RUFY1: variants seen among roughly 807,000 people sequenced by gnomAD.
RUFY1 encodes the protein RUN and FYVE domain-containing protein 1.
A neutral mutation model predicts 94.6 loss-of-function variants in RUFY1; 54 were observed. That is an observed-to-expected ratio of 0.57 (90% CI 0.46 to 0.72). RUFY1 has a LOEUF of 0.72. Among genes scored for constraint, RUFY1 ranks in the 30% least tolerant of loss-of-function variants. The probability of loss-of-function intolerance (pLI) is 0.00; values close to 1 mark genes in which losing one functional copy is unlikely to be tolerated. For synonymous variants in RUFY1, 396 were observed against 347.3 expected (o/e 1.14, Z -1.56); for missense variants, 883 against 883.9 (o/e 1.00, Z 0.01).
intron 8 of RUFY1, chr5:179,586,305 G>A: frequency 2.2e-6 from 1 of 459,008 alleles, no homozygotes; most frequent in Non-Finnish European, 4.4e-6. Context: ...TCCCCACAGT[G>A]CGGTCTTTCT....
In RUFY1 at chr5:179,559,823, C is replaced by T. The variant is rs765804440; in HGVS notation, c.311-202C>T. The T allele has an allele frequency of 3.0e-6, 4 of 1,333,538 alleles. No individual in the cohort carries two copies. The African/African-American group carries it at 4.5e-5, about 15-fold the overall frequency. The allele number at this position is 1,333,538 out of a possible 1,614,324, so 82.6% of individuals were successfully genotyped here. ...GCCCAGTGGCTCTTCTGACCCAAGG[C>T]CCCGCCGTCCAGGTAGGGGGCTGTG... On this transcript the variant is annotated intron_variant, in intron 1 of 17. Transcript: ENST00000319449.
intron 5 of RUFY1, among the ~76,000 whole-genome samples, chr5:179,569,735 G>C (rs895282393): frequency 6.6e-6 from 1 of 150,998 alleles, no homozygotes; most frequent in Non-Finnish European, 1.5e-5. Context: ...ATGCTGAAGG[G>C]TGTAGCTTTT....
chr5:179,585,777 A>C lies in RUFY1; in HGVS notation c.957-19A>C. 6.3e-7 allele frequency: 1 copy of C among 1,577,384 alleles called. No individual in the cohort carries two copies. The highest frequency in any genetic ancestry group is 8.7e-7 in the Non-Finnish European group (1 of 1,147,172). On this transcript the variant is annotated intron_variant, in intron 7 of 17. Transcript: ENST00000319449. ...GCTTGTATAAGTTTATGTTTACTTA[A>C]TATTCTTATTTTCTACAGCTGCACA...
intron 15 of RUFY1, among the ~76,000 whole-genome samples, chr5:179,605,532 G>T (rs1445149480): frequency 6.6e-6 from 1 of 152,168 alleles, no homozygotes; most frequent in Non-Finnish European, 1.5e-5. Flanking sequence ...TGGGGAGAGC[G>T]GTAGAGACTA....
intron 3 of RUFY1, 178 bp downstream of exon 3, chr5:179,562,842 A>G (rs1762551137): frequency 1.8e-6 from 1 of 551,102 alleles, no homozygotes; most frequent in South Asian, 2.3e-5. Flanking sequence ...TTTCTTTAAA[A>G]TGGGGACAGT....
chr5:179,573,756 T>C (rs947004845), intron 5 of RUFY1, among the ~76,000 whole-genome samples: 3 of 152,108 alleles, frequency 2.0e-5, no homozygotes, highest in African/African-American at 7.2e-5. Context: ...ACTCCTGACA[T>C]CGTGATCTGC....
At chr5:179,596,305 G>A in intron 12 of RUFY1, 1 of 559,150 alleles carries the variant, frequency 1.8e-6, no homozygotes, top group Non-Finnish European at 3.2e-6. Flanking sequence ...TAATTACATT[G>A]AGATTACATT....
chr5:179,582,017 T>C (rs1053283861), intron 7 of RUFY1, among the ~76,000 whole-genome samples: 9 of 152,090 alleles, frequency 5.9e-5, no homozygotes, highest in African/African-American at 1.7e-4. Context: ...GTTGGCTATT[T>C]TTTGAAAGAG....
rs998358504 is a variant in RUFY1, at chr5:179,561,167, C to T, written c.484+969C>T. On this transcript the variant is annotated intron_variant, in intron 2 of 17. Transcript: ENST00000319449. ...CGGAGGTTGCAGTGAGCTGAGATTG[C>T]ACCATTGCACTCCAACCAAGGCTAC... is the stretch of plus-strand genomic sequence containing the variant. 2.0e-5 allele frequency among the ~76,000 whole-genome samples: 3 copies of T among 152,130 alleles called. No homozygotes were observed. The East Asian group carries it at 5.8e-4, about 29-fold the overall frequency.
chr5:179,589,832 G>A (rs1356606438), intron 9 of RUFY1, among the ~76,000 whole-genome samples, 185 bp downstream of exon 9: 3 of 152,152 alleles, frequency 2.0e-5, no homozygotes, highest in South Asian at 2.1e-4. Context: ...TCCCTTGGAC[G>A]GGGACTCCCT....
At chr5:179,579,760 T>C (rs1490829463) in intron 6 of RUFY1, among the ~76,000 whole-genome samples, 1 of 140,518 alleles carries the variant, frequency 7.1e-6, no homozygotes, top group Non-Finnish European at 1.5e-5. Context: ...GCCTCCCGAG[T>C]TCAATCAGTT....
At chr5:179,600,676 G>A (rs918121430) in intron 14 of RUFY1, among the ~76,000 whole-genome samples, 2 of 133,528 alleles carry the variant, frequency 1.5e-5, no homozygotes, top group African/African-American at 5.8e-5. Context: ...TTTGTCCTAT[G>A]ATGGTAACTT....
At chr5:179,607,700 G>A (rs375259410) in intron 17 of RUFY1, 41 bp downstream of exon 17, 23 of 1,530,606 alleles carry the variant, frequency 1.5e-5, no homozygotes, top group African/African-American at 9.6e-5. Context: ...GCCCTGAGTC[G>A]TTGCCCGCTG....
At chr5:179,581,091 CGTATTTATAAATAACTT>C (rs1764122684) in intron 7 of RUFY1, 79 bp downstream of exon 7, 2 of 825,868 alleles carry the variant, frequency 2.4e-6, no homozygotes, top group Admixed American at 5.0e-5. Context: ...CGAGTTGCCA[CGTATTTATAAATAACTT>C]GTTTCCAAAC....
intron 13 of RUFY1, among the ~76,000 whole-genome samples, chr5:179,597,411 A>G (rs539934369): frequency 2.0e-5 from 3 of 152,024 alleles, no homozygotes; most frequent in African/African-American, 4.8e-5. Context: ...AATTTTTTGT[A>G]TTTTTAGTAG....
At chr5:179,599,919 A>C (rs1766166374) in intron 14 of RUFY1, among the ~76,000 whole-genome samples, 1 of 152,240 alleles carries the variant, frequency 6.6e-6, no homozygotes, top group Admixed American at 6.5e-5. Context: ...CGAGCGAGTC[A>C]GGAAAGGCCC....
chr5:179,580,552 GT>G (rs35615152), intron 6 of RUFY1, among the ~76,000 whole-genome samples: 41,902 of 145,112 alleles, frequency 0.29, 6,464 homozygotes, highest in East Asian at 0.63. Context: ...AGTTTTTTTT[GT>G]TTTTTTTTTT....
intron 7 of RUFY1, among the ~76,000 whole-genome samples, chr5:179,585,153 C>T (rs1354879270): frequency 2.0e-5 from 3 of 152,048 alleles, no homozygotes; most frequent in African/African-American, 7.2e-5. Flanking sequence ...CAAAAAACAC[C>T]TTGGATCCTT....
intron 4 of RUFY1, among the ~76,000 whole-genome samples, chr5:179,567,765 G>A (rs979251504): frequency 6.6e-6 from 1 of 152,172 alleles, no homozygotes; most frequent in African/African-American, 2.4e-5. Flanking sequence ...TTAGCCAGGT[G>A]TGGTGGCAGG....
Sources: allele counts gnomAD v4.1 joint callset (sites outside exome capture counted in the v4.1 genomes callset), GRCh38; gene constraint gnomAD v4.1.1; transcripts MANE v1.5; gene names NCBI Gene and HGNC (gene_info 2026-07-23, HGNC 2026-07-21).